Variants in ABCC4 observed in about 807,000 individuals in gnomAD.
The protein encoded by ABCC4 is ATP-binding cassette sub-family C member 4.
Under a neutral mutation model 168.5 loss-of-function variants are expected in ABCC4, and 102 were observed. That is an observed-to-expected ratio of 0.61 (90% CI 0.52 to 0.71). The LOEUF is 0.71. ABCC4 is among the 30% of genes least tolerant of loss of function. The pLI, the probability that ABCC4 is intolerant of heterozygous loss-of-function variation, is 0.00. For missense variants in ABCC4, 1,402 were observed against 1,605.8 expected, an observed-to-expected ratio of 0.87 and a Z score of 2.17; for synonymous variants, 617 against 590.7, an observed-to-expected ratio of 1.04 and a Z score of -0.65.
chr13:95,229,126 C>T (rs1473040733), intron 4 of ABCC4, among the ~76,000 whole-genome samples: 1 of 152,114 alleles, frequency 6.6e-6, no homozygotes, highest in Non-Finnish European at 1.5e-5. Flanking sequence ...CACACAGTAT[C>T]ACATAAATGG....
chr13:95,196,585 GAA>G (rs1234180113), intron 8 of ABCC4, among the ~76,000 whole-genome samples: 1,442 of 4,164 alleles, frequency 0.35, 61 homozygotes, highest in Middle Eastern at 0.5. Flanking sequence ...AGGAAAGGAG[GAA>G]GGAAGGAAGG....
intron 19 of ABCC4, among the ~76,000 whole-genome samples, chr13:95,143,289 G>A (rs1286598206): frequency 1.3e-5 from 2 of 152,020 alleles, no homozygotes; most frequent in East Asian, 3.9e-4. Context: ...CTTCTAACAG[G>A]AACCTCCTGA....
At chr13:95,296,414 C>T (rs2041537684) in intron 1 of ABCC4, among the ~76,000 whole-genome samples, 1 of 152,108 alleles carries the variant, frequency 6.6e-6, no homozygotes, top group Non-Finnish European at 1.5e-5. Flanking sequence ...CCTCTCTAAG[C>T]CATCCCCTGC....
intron 26 of ABCC4, among the ~76,000 whole-genome samples, chr13:95,060,997 G>A (rs917925827): frequency 1.6e-4 from 25 of 152,124 alleles, no homozygotes; most frequent in Non-Finnish European, 2.9e-4. Flanking sequence ...GAACCATCTA[G>A]TGTCTGTCCT....
At chr13:95,176,784 A>C (rs1386948587) in intron 13 of ABCC4, among the ~76,000 whole-genome samples, 1 of 152,198 alleles carries the variant, frequency 6.6e-6, no homozygotes, top group African/African-American at 2.4e-5. Flanking sequence ...AGGCTCACTG[A>C]CTTTAACAAG....
At chr13:95,196,665 G>A (rs1594279025) in intron 8 of ABCC4, among the ~76,000 whole-genome samples, 2 of 37,474 alleles carry the variant, frequency 5.3e-5, no homozygotes, top group Non-Finnish European at 1.1e-4. Flanking sequence ...AGGAAGGAAG[G>A]AAGGAAGGAA....
intron 4 of ABCC4, among the ~76,000 whole-genome samples, chr13:95,226,685 C>T (rs972023576): frequency 4.6e-5 from 7 of 152,110 alleles, no homozygotes; most frequent in African/African-American, 1.7e-4. Flanking sequence ...GCCAATCTGC[C>T]ACTAGAGGAC....
chr13:95,248,771 G>A (rs2040180212), intron 1 of ABCC4, among the ~76,000 whole-genome samples: 1 of 152,186 alleles, frequency 6.6e-6, no homozygotes, highest in Admixed American at 6.5e-5. Flanking sequence ...GAAAAAGGCT[G>A]GGCAGTGGCT....
chr13:95,194,245 A>G (rs1164131605), intron 9 of ABCC4, among the ~76,000 whole-genome samples: 1 of 152,332 alleles, frequency 6.6e-6, no homozygotes, highest in African/African-American at 2.4e-5. Context: ...CACTTACCAC[A>G]CGGTGAAACC....
At chr13:95,085,950 T>A (rs2034242561) in intron 20 of ABCC4, among the ~76,000 whole-genome samples, 2 of 152,234 alleles carry the variant, frequency 1.3e-5, no homozygotes, top group South Asian at 4.1e-4. Context: ...TCAGTCATAC[T>A]GACCTTACAC....
intron 25 of ABCC4, among the ~76,000 whole-genome samples, chr13:95,065,832 C>T (rs1441650081): frequency 6.6e-6 from 1 of 152,186 alleles, no homozygotes; most frequent in Non-Finnish European, 1.5e-5. Flanking sequence ...TTGTTTTAAT[C>T]AACATTAGTT....
chr13:95,198,726 A>G (rs2038533744), intron 8 of ABCC4, among the ~76,000 whole-genome samples: 1 of 152,204 alleles, frequency 6.6e-6, no homozygotes, highest in Admixed American at 6.5e-5. Flanking sequence ...CATCAATGAC[A>G]GACTGGATAA....
Position 95,029,119 on chromosome 13 carries a change from T to C in ABCC4, c.3870+5486A>G, listed in dbSNP as rs1261609182. On this transcript the variant is annotated intron_variant, in intron 30 of 30. Transcript: ENST00000645237. ...ACTGCAGTGAGCTGAGATTGCACCA[T>C]AGAGGTCCAGCCTGGGCAACAGGAG... is the stretch of plus-strand genomic sequence containing the variant. Among the ~76,000 whole-genome samples, 9 of 147,914 alleles carry C rather than the reference T, an allele frequency of 6.1e-5. No homozygotes were observed. The South Asian group carries it at 8.6e-4, about 14-fold the overall frequency.
At chr13:95,101,039 T>C (rs1300651755) in intron 20 of ABCC4, among the ~76,000 whole-genome samples, 1 of 152,196 alleles carries the variant, frequency 6.6e-6, no homozygotes, top group Non-Finnish European at 1.5e-5. Flanking sequence ...ACCCAACCTA[T>C]TATACTCAAG....
chr13:95,071,250 TAATACAGGACCA>T (rs1260830411), intron 25 of ABCC4, among the ~76,000 whole-genome samples: 1 of 151,982 alleles, frequency 6.6e-6, no homozygotes. Flanking sequence ...GAAAACAGAC[TAATACAGGACCA>T]AAGGATGGAG....
intron 19 of ABCC4, among the ~76,000 whole-genome samples, chr13:95,125,040 C>T (rs1300680724): frequency 6.6e-6 from 1 of 152,048 alleles, no homozygotes; most frequent in African/African-American, 2.4e-5. Flanking sequence ...GTGCCAGAAA[C>T]CACATACAGC....
At chr13:95,298,422 G>A (rs2041591825) in intron 1 of ABCC4, among the ~76,000 whole-genome samples, 1 of 152,154 alleles carries the variant, frequency 6.6e-6, no homozygotes, top group Non-Finnish European at 1.5e-5. Context: ...ATCACCTGGA[G>A]CACTTGAAAC....
intron 1 of ABCC4, among the ~76,000 whole-genome samples, chr13:95,289,171 T>A (rs141693541): frequency 6.6e-6 from 1 of 152,324 alleles, no homozygotes; most frequent in African/African-American, 2.4e-5. Context: ...TTGGGTTTAT[T>A]ACATAATCTC....
chr13:95,154,335 C>T (rs1033058848), intron 19 of ABCC4, among the ~76,000 whole-genome samples: 6 of 152,048 alleles, frequency 3.9e-5, no homozygotes, highest in South Asian at 2.1e-4. Context: ...AGGGAAAGCC[C>T]GCAGGACTTA....
Sources: gnomAD v4.1 joint callset for allele counts (sites outside exome capture counted in the v4.1 genomes callset) on GRCh38, gnomAD v4.1.1 for gene constraint, MANE v1.5 for transcripts, NCBI Gene and HGNC (gene_info 2026-07-23, HGNC 2026-07-21) for gene names.